The following SMAD2 variants were observed in gnomAD, a reference collection of about 807,000 sequenced individuals.
SMAD2 encodes SMAD family member 2, also known as MAD homolog 2.
SMAD2 carries 8 observed loss-of-function variants against 64.4 expected under a neutral mutation model. That is an observed-to-expected ratio of 0.12 (90% CI 0.07 to 0.22). The LOEUF is 0.22. SMAD2 is among the 10% of genes least tolerant of loss of function. SMAD2 has a pLI of 1.00. For synonymous variants in SMAD2, 203 were observed against 195.8 expected, an observed-to-expected ratio of 1.04 and a Z score of -0.31; for missense variants, 289 against 561.2, an observed-to-expected ratio of 0.51 and a Z score of 4.90.
intron 1 of SMAD2, among the ~76,000 whole-genome samples, chr18:47,909,406 A>T (rs1453265944): frequency 6.6e-6 from 1 of 152,204 alleles, no homozygotes; most frequent in Non-Finnish European, 1.5e-5. Context: ...AAAGTAGATG[A>T]GTTAGTTCCT....
chr18:47,845,158 A>G lies in SMAD2; in HGVS notation c.1280+182T>C, dbSNP rs188865607. The G allele has an allele frequency of 2.2e-5, 15 of 679,036 alleles. No individual in the cohort carries two copies. The Admixed American group carries it at 3.2e-4, about 14-fold the overall frequency. 42.1% of individuals were successfully genotyped at this position (679,036 alleles called of 1,614,324 possible). ...CTGTGCATGTTTTAATATCTTCCAT[A>G]ATGGCAGCTCAGTAATTTGCAACAG... On this transcript the variant is annotated intron_variant, in intron 10 of 10. Transcript: ENST00000262160.
At chr18:47,858,847 C>A (rs1224494614) in intron 6 of SMAD2, among the ~76,000 whole-genome samples, 1 of 151,974 alleles carries the variant, frequency 6.6e-6, no homozygotes, top group Non-Finnish European at 1.5e-5. Flanking sequence ...GGCAGGAAAA[C>A]AAACAGATAA....
rs1913723883 is a variant in SMAD2 at position 47,839,268 on chromosome 18, A to C, written c.*2559T>G. On this transcript the variant is annotated 3_prime_UTR_variant, in exon 11 of 11. Coordinates refer to ENST00000262160, the MANE Select transcript of SMAD2 (RefSeq NM_005901.6). The stretch of plus-strand genomic sequence containing the variant: ...TAGTAGGCACTGCTTGACCTAACAC[A>C]GTAATGCAAGAGTAACCACCAAGAT... 1 of 233,188 alleles carries C rather than the reference A, an allele frequency of 4.3e-6. No individual in the cohort carries two copies. Among genetic ancestry groups the C allele is most frequent in the Non-Finnish European group, 8.5e-6 (1 of 118,040 alleles). 14.4% of individuals were successfully genotyped at this position (233,188 alleles called of 1,614,324 possible).
rs1263459819 is a variant in SMAD2, at chr18:47,823,178, T to C, written c.*18649A>G. ...ATTACACTGAATTAAAAATTATCATTTCCTGGCAGGCCCAGGAACCTTAAA... is the reference window on the plus strand; with the variant it reads ...ATTACACTGAATTAAAAATTATCATCTCCTGGCAGGCCCAGGAACCTTAAA... On this transcript the variant is annotated 3_prime_UTR_variant, in exon 11 of 11. Transcript: ENST00000262160. The C allele has an allele frequency of 6.6e-6, 1 of 152,192 alleles. No homozygotes were observed. The highest frequency in any genetic ancestry group is 2.4e-5 in the African/African-American group (1 of 41,440). 9.4% of individuals were successfully genotyped at this position (152,192 alleles called of 1,614,324 possible).
intron 1 of SMAD2, among the ~76,000 whole-genome samples, chr18:47,899,582 T>C (rs1159957531): frequency 6.6e-6 from 1 of 152,172 alleles, no homozygotes; most frequent in East Asian, 1.9e-4. Context: ...AACAAGTACT[T>C]AATTGTGTCA....
chr18:47,874,923 A>T (rs571125913), intron 2 of SMAD2, among the ~76,000 whole-genome samples: 1 of 152,308 alleles, frequency 6.6e-6, no homozygotes, highest in South Asian at 2.1e-4. Context: ...AAATATTGCC[A>T]GAGAATAAAA....
chr18:47,842,252 C>T (rs1914025785), intron 10 of SMAD2, among the ~76,000 whole-genome samples: 1 of 152,110 alleles, frequency 6.6e-6, no homozygotes, highest in Non-Finnish European at 1.5e-5. Context: ...CTATTAATAT[C>T]AGGCCAGGGC....
intron 1 of SMAD2, among the ~76,000 whole-genome samples, chr18:47,918,278 C>T (rs976221647): frequency 1.3e-5 from 2 of 152,138 alleles, no homozygotes; most frequent in Non-Finnish European, 2.9e-5. Flanking sequence ...TGAACATGAG[C>T]ACGCTGTGTT....
In SMAD2 at chr18:47,811,469, CAAAAAAAAAA is replaced by C. The variant is rs397938257; in HGVS notation, c.*30348_*30357del. 1 of 82,672 alleles carries C rather than the reference CAAAAAAAAAA, an allele frequency of 1.2e-5. No homozygotes were observed. Among genetic ancestry groups the C allele is most frequent in the Non-Finnish European group, 2.2e-5 (1 of 44,604 alleles). The allele number at this position is 82,672 out of a possible 1,614,324, so 5.1% of individuals were successfully genotyped here. A position where few individuals can be genotyped will look rare whatever the true frequency, so the allele number is the denominator to read the frequency against. On this transcript the variant is annotated 3_prime_UTR_variant, in exon 11 of 11. Transcript: ENST00000262160. ...TGGGCGACAGAGCGAGACCTCGTCT[CAAAAAAAAAA>C]AAAAAAAAAAGAAAAAGAAATAAGG... is the stretch of plus-strand genomic sequence containing the variant.
chr18:47,896,168 AT>A (rs2033429647), intron 2 of SMAD2, among the ~76,000 whole-genome samples: 1 of 152,266 alleles, frequency 6.6e-6, no homozygotes, highest in Non-Finnish European at 1.5e-5. Context: ...TTCACCCCTG[AT>A]GAAAGTTTTG....
At chr18:47,880,163 A>G (rs544660225) in intron 2 of SMAD2, among the ~76,000 whole-genome samples, 2 of 152,358 alleles carry the variant, frequency 1.3e-5, no homozygotes, top group South Asian at 2.1e-4. Flanking sequence ...AATGGAGTCT[A>G]ACTTAGCAGC....
At chr18:47,919,716 A>G (rs756277829) in intron 1 of SMAD2, among the ~76,000 whole-genome samples, 1 of 152,196 alleles carries the variant, frequency 6.6e-6, no homozygotes, top group Non-Finnish European at 1.5e-5. Context: ...ATGGAAGCAT[A>G]ACCTTCACTG....
At chr18:47,868,221 A>C in intron 5 of SMAD2, 102 bp downstream of exon 5, 1 of 1,006,266 alleles carries the variant, frequency 9.9e-7, no homozygotes, top group South Asian at 1.3e-5. Flanking sequence ...AAAACTCAAA[A>C]GCATTTTTAA....
chr18:47,928,779 TAAGAGC>T (rs1232263811), intron 1 of SMAD2, among the ~76,000 whole-genome samples: 2 of 152,204 alleles, frequency 1.3e-5, no homozygotes, highest in African/African-American at 2.4e-5. Flanking sequence ...AACCAAGCTC[TAAGAGC>T]AATTTCTTAC....
At chr18:47,854,219 C>T (rs1034525724) in intron 6 of SMAD2, among the ~76,000 whole-genome samples, 1 of 152,194 alleles carries the variant, frequency 6.6e-6, no homozygotes, top group South Asian at 2.1e-4. Flanking sequence ...ATTTGAGATC[C>T]AGTGTGAATT....
At position 47,837,598 on chromosome 18, in the gene SMAD2, A is replaced by C. The variant is rs1215083858; in HGVS notation, c.*4229T>G. 4.3e-6 allele frequency: 1 copy of C among 232,648 alleles called. No homozygotes were observed. Among genetic ancestry groups the C allele is most frequent in the East Asian group, 6.0e-5 (1 of 16,626 alleles). 14.4% of individuals were successfully genotyped at this position (232,648 alleles called of 1,614,324 possible). A position where few individuals can be genotyped will look rare whatever the true frequency, so the allele number is the denominator to read the frequency against. On this transcript the variant is annotated 3_prime_UTR_variant, in exon 11 of 11. Coordinates refer to ENST00000262160, the MANE Select transcript of SMAD2 (RefSeq NM_005901.6). ...AAAAAAACAAAAAACAAGGCTAACA[A>C]GAAAGAGGATAACCAGCAAGTACCA...
In SMAD2 at chr18:47,927,830, C is replaced by T. The variant is rs2034827554; in HGVS notation, c.-54+2531G>A. Among the ~76,000 whole-genome samples, 3 of 152,290 alleles carry T rather than the reference C, an allele frequency of 2.0e-5. No individual in the cohort carries two copies. In the South Asian group the frequency reaches 6.2e-4, roughly 32 times the overall value. ...AGGAGAAGCGCTTGAACCCAGGAGG[C>T]GGAGGTTGCGGTGAGCCGAGATCGT... On this transcript the variant is annotated intron_variant, in intron 1 of 10. Transcript: ENST00000262160.
chr18:47,927,502 C>G (rs2034812352), intron 1 of SMAD2, among the ~76,000 whole-genome samples: 1 of 152,234 alleles, frequency 6.6e-6, no homozygotes, highest in East Asian at 1.9e-4. Flanking sequence ...CATTAAGGAA[C>G]AGGGGTGTAC....
Position 47,839,024 on chromosome 18 carries a change from AC to A in SMAD2, c.*2802del, listed in dbSNP as rs1265955838. The A allele has an allele frequency of 5.5e-6, 1 of 180,384 alleles. No individual in the cohort carries two copies. Among genetic ancestry groups the A allele is most frequent in the Admixed American group, 8.9e-5 (1 of 11,212 alleles). 11.2% of individuals were successfully genotyped at this position (180,384 alleles called of 1,614,324 possible). ...CTATAAATGGGGGGAGGGGCAGAAA[AC>A]AAAAAAAAAATCAGGCCACAGTAGA... is the stretch of plus-strand genomic sequence containing the variant. On this transcript the variant is annotated 3_prime_UTR_variant, in exon 11 of 11. Coordinates refer to ENST00000262160, the MANE Select transcript of SMAD2 (RefSeq NM_005901.6).
Sources: allele counts gnomAD v4.1 joint callset (sites outside exome capture counted in the v4.1 genomes callset), GRCh38; gene constraint gnomAD v4.1.1; transcripts MANE v1.5; gene names NCBI Gene and HGNC (gene_info 2026-07-23, HGNC 2026-07-21).